The following AOPEP variants were observed in gnomAD, a reference collection of about 807,000 sequenced individuals.
AOPEP encodes aminopeptidase O (putative), also known as aminopeptidase O.
In AOPEP, 77 loss-of-function variants were observed where a neutral mutation model predicts 98.1. The ratio of observed to expected loss-of-function variants is 0.78; its 90% confidence interval spans 0.65 to 0.95. The LOEUF (loss-of-function observed/expected upper bound fraction) is 0.95. Ranked by LOEUF, AOPEP falls within the 40% of genes least tolerant of loss-of-function variation. The pLI, the probability that AOPEP is intolerant of heterozygous loss-of-function variation, is 0.00. For synonymous variants in AOPEP, 346 were observed against 365.3 expected (o/e 0.95, Z 0.60); for missense variants, 1,024 against 1,024.7 (o/e 1.00, Z 0.01).
intron 16 of AOPEP, chr9:95,085,446 CCTCT>C (rs1430802572): frequency 1.9e-6 from 1 of 533,108 alleles, no homozygotes; most frequent in Non-Finnish European, 3.9e-6. Context: ...CCAGCGATGA[CCTCT>C]CTAACAAGGT....
chr9:94,916,813 A>G (rs2052899963), intron 5 of AOPEP, among the ~76,000 whole-genome samples: 1 of 152,180 alleles, frequency 6.6e-6, no homozygotes, highest in South Asian at 2.1e-4. Flanking sequence ...CAAAATCTAT[A>G]GTCTCCAAAA....
intron 5 of AOPEP, among the ~76,000 whole-genome samples, chr9:94,816,649 G>C (rs1049749458): frequency 1.3e-5 from 2 of 152,176 alleles, no homozygotes; most frequent in Non-Finnish European, 2.9e-5. Context: ...GGGAGACTAA[G>C]GGCTGGAGAT....
In AOPEP at chr9:94,979,437, GAT is replaced by G; in HGVS notation, c.1977+12_1977+13del. On this transcript the variant is annotated intron_variant, in intron 11 of 16. Transcript: ENST00000375315. ...TTCCGGAATACCAAAGGTAACTCAA[GAT>G]AACCACTTTGGTAGAATCCATGGAG... is the stretch of plus-strand genomic sequence containing the variant. 6.3e-7 allele frequency: 1 copy of G among 1,577,868 alleles called. No homozygotes were observed. Among genetic ancestry groups the G allele is most frequent in the Non-Finnish European group, 8.7e-7 (1 of 1,152,230 alleles).
intron 3 of AOPEP, among the ~76,000 whole-genome samples, chr9:94,784,187 T>C (rs531446366): frequency 6.6e-6 from 1 of 152,292 alleles, no homozygotes; most frequent in South Asian, 2.1e-4. Flanking sequence ...AGCAGAGTGG[T>C]TATGTGTGTG....
intron 5 of AOPEP, among the ~76,000 whole-genome samples, chr9:94,890,230 C>A (rs2136039222): frequency 6.7e-6 from 1 of 150,042 alleles, no homozygotes; most frequent in African/African-American, 2.5e-5. Flanking sequence ...TGAAACGGAG[C>A]CTTGCTCTGT....
intron 1 of AOPEP, among the ~76,000 whole-genome samples, chr9:94,754,576 A>G (rs1206110734): frequency 2.0e-5 from 3 of 152,234 alleles, no homozygotes; most frequent in Admixed American, 2.0e-4. Context: ...TATAGAGTAC[A>G]GGCAAGCTAG....
intron 5 of AOPEP, among the ~76,000 whole-genome samples, chr9:94,896,160 C>G (rs2049528776): frequency 6.6e-6 from 1 of 152,240 alleles, no homozygotes; most frequent in Admixed American, 6.5e-5. Flanking sequence ...AGAAACAATA[C>G]AACTCGATAA....
At position 94,924,685 on chromosome 9, in the gene AOPEP, G is replaced by T. The variant is rs536498588; in HGVS notation, c.1554+510G>T. 8.5e-5 allele frequency among the ~76,000 whole-genome samples: 13 copies of T among 152,288 alleles called. No individual in the cohort carries two copies. The South Asian group carries it at 2.5e-3, about 29-fold the overall frequency. ...TGAAGAATGAAGCAGGGGCGGTATAGATTAGGGAATGGTGAGAACTGTGGC... is the reference window on the plus strand; with the variant it reads ...TGAAGAATGAAGCAGGGGCGGTATATATTAGGGAATGGTGAGAACTGTGGC... On this transcript the variant is annotated intron_variant, in intron 6 of 16. Coordinates refer to ENST00000375315, the MANE Select transcript of AOPEP (RefSeq NM_001193329.3).
intron 16 of AOPEP, chr9:95,085,405 T>C (rs766651954): frequency 3.9e-6 from 2 of 519,454 alleles, no homozygotes; most frequent in Admixed American, 2.0e-5. Context: ...CTGAGGAAGA[T>C]GCTCACCGGT....
At chr9:94,913,700 G>A (rs948688888) in intron 5 of AOPEP, among the ~76,000 whole-genome samples, 2 of 152,202 alleles carry the variant, frequency 1.3e-5, no homozygotes, top group Non-Finnish European at 2.9e-5. Context: ...TTTAACAAAG[G>A]TGGTGACATA....
At chr9:95,033,803 G>C (rs2064536761) in intron 13 of AOPEP, among the ~76,000 whole-genome samples, 1 of 152,146 alleles carries the variant, frequency 6.6e-6, no homozygotes, top group East Asian at 1.9e-4. Flanking sequence ...AGAAATAAGA[G>C]TATGAAATAC....
intron 1 of AOPEP, among the ~76,000 whole-genome samples, chr9:94,735,168 A>T (rs914758498): frequency 9.9e-5 from 15 of 152,170 alleles, no homozygotes; most frequent in African/African-American, 3.4e-4. Context: ...AATTATCTTG[A>T]TATCCTGTGT....
chr9:94,931,631 A>G, intron 7 of AOPEP: 2 of 878,552 alleles, frequency 2.3e-6, no homozygotes, highest in South Asian at 2.9e-5. Context: ...ATCAGATGCT[A>G]TCTTGTTCTT....
chr9:94,957,160 T>C (rs1387141571), intron 9 of AOPEP, among the ~76,000 whole-genome samples: 3 of 152,174 alleles, frequency 2.0e-5, no homozygotes, highest in African/African-American at 7.2e-5. Flanking sequence ...GAACTCTTAC[T>C]GCTCTCTTAA....
At position 94,946,631 on chromosome 9, in the gene AOPEP, A is replaced by G. The variant is rs1225570528; in HGVS notation, c.1662-8546A>G. On this transcript the variant is annotated intron_variant, in intron 7 of 16. Coordinates refer to ENST00000375315, the MANE Select transcript of AOPEP (RefSeq NM_001193329.3). ...TCTTAGCTCTTATCTCCAGAATTGC[A>G]CAGAATGCGCCTTGCTCCCACCAAA... 5.3e-5 allele frequency among the ~76,000 whole-genome samples: 8 copies of G among 152,330 alleles called. No individual in the cohort carries two copies. The East Asian group carries it at 1.5e-3, about 29-fold the overall frequency.
chr9:94,902,268 T>C (rs1314596207), intron 5 of AOPEP, among the ~76,000 whole-genome samples: 1 of 152,082 alleles, frequency 6.6e-6, no homozygotes, highest in African/African-American at 2.4e-5. Context: ...GTTCAGCAGG[T>C]GAGAAAGGAA....
chr9:95,102,967 C>T, the AOPEP span, among the ~76,000 whole-genome samples: 3 of 152,220 alleles, frequency 2.0e-5, no homozygotes, highest in African/African-American at 4.8e-5. Context: ...AGCCCAGGCA[C>T]GTGCCAGTGT....
chr9:95,116,098 G>A, the AOPEP span, among the ~76,000 whole-genome samples: 41 of 152,302 alleles, frequency 2.7e-4, no homozygotes, highest in South Asian at 7.5e-3. Flanking sequence ...TTACACAAAC[G>A]GAAAGGTAAA....
intron 7 of AOPEP, among the ~76,000 whole-genome samples, chr9:94,952,887 GAGTT>G (rs1223456842): frequency 2.0e-5 from 3 of 152,250 alleles, no homozygotes; most frequent in Admixed American, 6.5e-5. Context: ...TGGAAGAAGA[GAGTT>G]AGAGAGGGAT....
Sources: allele counts gnomAD v4.1 joint callset (sites outside exome capture counted in the v4.1 genomes callset), GRCh38; gene constraint gnomAD v4.1.1; transcripts MANE v1.5; gene names NCBI Gene and HGNC (gene_info 2026-07-23, HGNC 2026-07-21).